The following CSMD1 variants were observed in gnomAD, a reference collection of about 807,000 sequenced individuals.
The protein encoded by CSMD1 is CUB and Sushi multiple domains 1.
In CSMD1, 213 loss-of-function variants were observed where a neutral mutation model predicts 417.5. The ratio of observed to expected loss-of-function variants is 0.51; its 90% CI spans 0.46 to 0.57. CSMD1 has a LOEUF of 0.57. Among genes scored for constraint, CSMD1 ranks in the 20% least tolerant of loss-of-function variants. CSMD1 has a pLI of 0.00. For missense variants in CSMD1, 6,923 were observed against 4,529.7 expected (o/e 1.53, Z -15.17); for synonymous variants, 2,862 against 1,736.8 (o/e 1.65, Z -16.11).
chr8:4,799,908 C>A (rs1798183913), intron 1 of CSMD1, among the ~76,000 whole-genome samples: 1 of 152,100 alleles, frequency 6.6e-6, no homozygotes. Context: ...GTAAAATGAA[C>A]TATGCATGCA....
At chr8:3,772,869 A>G (rs1798692782) in intron 5 of CSMD1, among the ~76,000 whole-genome samples, 1 of 152,190 alleles carries the variant, frequency 6.6e-6, no homozygotes, top group South Asian at 2.1e-4. Flanking sequence ...TCCTTAGTGC[A>G]TTCAGGGTGA....
intron 3 of CSMD1, among the ~76,000 whole-genome samples, chr8:4,194,126 C>G (rs909060222): frequency 6.6e-6 from 1 of 152,054 alleles, no homozygotes; most frequent in African/African-American, 2.4e-5. Flanking sequence ...ACAAAGAATG[C>G]AGAATGATAA....
At chr8:4,092,726 T>A (rs1487232379) in intron 3 of CSMD1, among the ~76,000 whole-genome samples, 1 of 152,178 alleles carries the variant, frequency 6.6e-6, no homozygotes, top group African/African-American at 2.4e-5. Flanking sequence ...TTTTGACAAC[T>A]TTTTAACTTC....
At chr8:4,154,092 A>G (rs1796705871) in intron 3 of CSMD1, among the ~76,000 whole-genome samples, 1 of 152,232 alleles carries the variant, frequency 6.6e-6, no homozygotes, top group Non-Finnish European at 1.5e-5. Flanking sequence ...CACTGAAAAT[A>G]CAGCAAAGAG....
At position 3,621,767 on chromosome 8, in the gene CSMD1, T is replaced by TTTATTA. The variant is rs568261003; in HGVS notation, c.1010-4976_1010-4971dup. On this transcript the variant is annotated intron_variant, in intron 7 of 69. Transcript: ENST00000635120. ...GCTAATGTTTTATTATTATTATTATTTTATTATTATTATTATTATTTTGTA... is the reference window on the plus strand; with the variant it reads ...GCTAATGTTTTATTATTATTATTATTTTATTATTATTATTATTATTATTATTTTGTA... Among the ~76,000 whole-genome samples the TTTATTA allele has an allele frequency of 1.3e-4, 20 of 150,760 alleles. No homozygotes were observed. In the South Asian group the frequency reaches 2.1e-3, roughly 16 times the overall value.
intron 1 of CSMD1, among the ~76,000 whole-genome samples, chr8:4,920,629 C>A (rs1274744605): frequency 1.3e-5 from 2 of 151,892 alleles, no homozygotes; most frequent in Non-Finnish European, 2.9e-5. Flanking sequence ...TGAGACCAGC[C>A]TGACCTACAT....
intron 6 of CSMD1, among the ~76,000 whole-genome samples, chr8:3,737,886 A>G (rs578162916): frequency 6.6e-6 from 1 of 152,350 alleles, no homozygotes; most frequent in Admixed American, 6.5e-5. Flanking sequence ...TTGCCCAGTG[A>G]GAATTCCCTC....
chr8:4,486,456 T>C (rs1801423032), intron 2 of CSMD1, among the ~76,000 whole-genome samples: 1 of 151,514 alleles, frequency 6.6e-6, no homozygotes, highest in Non-Finnish European at 1.5e-5. Context: ...CTATATATTT[T>C]AAAAATATTT....
chr8:4,376,916 T>G (rs1210764942), intron 3 of CSMD1, among the ~76,000 whole-genome samples: 1 of 152,192 alleles, frequency 6.6e-6, no homozygotes. Context: ...ACTACTGTAC[T>G]GCAATTTTAT....
chr8:4,677,163 C>T (rs189138798), intron 1 of CSMD1, among the ~76,000 whole-genome samples: 27 of 148,262 alleles, frequency 1.8e-4, no homozygotes, highest in Middle Eastern at 3.6e-3. Flanking sequence ...ATATCTCTAT[C>T]GGATTTTATC....
chr8:4,835,134 T>C (rs750223039), intron 1 of CSMD1, among the ~76,000 whole-genome samples: 1 of 151,930 alleles, frequency 6.6e-6, no homozygotes, highest in Non-Finnish European at 1.5e-5. Context: ...GCGGCAACTC[T>C]AGACCCAGTG....
intron 40 of CSMD1, among the ~76,000 whole-genome samples, chr8:3,143,948 A>G (rs949153548): frequency 6.6e-6 from 1 of 152,228 alleles, no homozygotes; most frequent in African/African-American, 2.4e-5. Flanking sequence ...GAAAAATTGT[A>G]GGGAGGAAAC....
intron 10 of CSMD1, among the ~76,000 whole-genome samples, chr8:3,549,513 G>A (rs1563143631): frequency 6.6e-6 from 1 of 152,160 alleles, no homozygotes; most frequent in Non-Finnish European, 1.5e-5. Flanking sequence ...GGGTCGTCAG[G>A]GCTCTCCTTT....
chr8:2,979,613 C>T (rs746966084), intron 54 of CSMD1, among the ~76,000 whole-genome samples: 2 of 152,222 alleles, frequency 1.3e-5, no homozygotes, highest in Non-Finnish European at 2.9e-5. Flanking sequence ...GCAAATGAAT[C>T]TCGGGCGGCC....
At chr8:3,891,477 TGA>T (rs914691968) in intron 5 of CSMD1, among the ~76,000 whole-genome samples, 8 of 152,100 alleles carry the variant, frequency 5.3e-5, no homozygotes, top group Non-Finnish European at 8.8e-5. Flanking sequence ...TACAGGAGTT[TGA>T]GACCACCCTG....
At chr8:2,954,643 A>G (rs966211526) in intron 64 of CSMD1, among the ~76,000 whole-genome samples, 1 of 152,188 alleles carries the variant, frequency 6.6e-6, no homozygotes, top group Non-Finnish European at 1.5e-5. Flanking sequence ...GTCCCTCTTC[A>G]TTGACCAATA....
At chr8:3,321,359 C>G (rs1232153909) in intron 23 of CSMD1, among the ~76,000 whole-genome samples, 1 of 152,148 alleles carries the variant, frequency 6.6e-6, no homozygotes, top group Non-Finnish European at 1.5e-5. Flanking sequence ...TGTCCAGATC[C>G]TCCCTGCCCT....
chr8:4,215,283 A>T (rs1182720537), intron 3 of CSMD1, among the ~76,000 whole-genome samples: 1 of 152,164 alleles, frequency 6.6e-6, no homozygotes, highest in Non-Finnish European at 1.5e-5. Flanking sequence ...TACTTTTCAT[A>T]ATATTCATCT....
chr8:4,871,558 T>G (rs1802741558), intron 1 of CSMD1, among the ~76,000 whole-genome samples: 1 of 152,080 alleles, frequency 6.6e-6, no homozygotes, highest in Non-Finnish European at 1.5e-5. Context: ...GTTTTTATGT[T>G]TTGCTTTTAT....
Sources: allele counts gnomAD v4.1 joint callset (sites outside exome capture counted in the v4.1 genomes callset), GRCh38; gene constraint gnomAD v4.1.1; transcripts MANE v1.5; gene names NCBI Gene and HGNC (gene_info 2026-07-23, HGNC 2026-07-21).